The following PTPRN2 variants were observed in gnomAD, a reference collection of about 807,000 sequenced individuals.
PTPRN2 encodes the protein receptor-type tyrosine-protein phosphatase N2.
A neutral mutation model predicts 118.8 loss-of-function variants in PTPRN2; 74 were observed. The ratio of observed to expected loss-of-function variants is 0.62; its 90% CI spans 0.52 to 0.76. The LOEUF is 0.76. Among genes scored for constraint, PTPRN2 ranks in the 30% least tolerant of loss-of-function variants. The pLI, the probability that PTPRN2 is intolerant of heterozygous loss-of-function variation, is 0.00. For missense variants in PTPRN2, 1,481 were observed against 1,394.4 expected, an observed-to-expected ratio of 1.06 and a Z score of -0.99; for synonymous variants, 641 against 608.0, an observed-to-expected ratio of 1.05 and a Z score of -0.80.
chr7:157,839,737 G>A (rs927316594), intron 12 of PTPRN2, among the ~76,000 whole-genome samples: 5 of 150,652 alleles, frequency 3.3e-5, no homozygotes, highest in Admixed American at 6.6e-5. Flanking sequence ...TGACTGTGTG[G>A]CTGTGTGAAG....
intron 17 of PTPRN2, among the ~76,000 whole-genome samples, chr7:157,589,878 G>A (rs1160872079): frequency 1.3e-5 from 2 of 152,220 alleles, no homozygotes; most frequent in East Asian, 3.8e-4. Context: ...TGACAGCGGC[G>A]GCGTGGATGA....
intron 14 of PTPRN2, among the ~76,000 whole-genome samples, chr7:157,637,742 GAA>G (rs1360430081): frequency 2.0e-5 from 3 of 152,328 alleles, no homozygotes; most frequent in African/African-American, 7.2e-5. Context: ...AGACCTTTCA[GAA>G]GAAGGATGAG....
At chr7:157,789,797 G>A (rs1232968802) in intron 12 of PTPRN2, among the ~76,000 whole-genome samples, 1 of 150,880 alleles carries the variant, frequency 6.6e-6, no homozygotes, top group East Asian at 2.0e-4. Context: ...TGTGTGTGGT[G>A]TGTGTGTGAT....
chr7:158,413,733 C>T (rs142580546), intron 2 of PTPRN2, among the ~76,000 whole-genome samples: 1 of 152,296 alleles, frequency 6.6e-6, no homozygotes, highest in Non-Finnish European at 1.5e-5. Context: ...ACTAGGAGAA[C>T]GGGCCCATCC....
chr7:158,084,581 A>T (rs993482528), intron 10 of PTPRN2, among the ~76,000 whole-genome samples: 8 of 152,056 alleles, frequency 5.3e-5, no homozygotes, highest in South Asian at 2.1e-4. Context: ...AGGAGCAAGT[A>T]CTGCACCTAA....
In PTPRN2 at chr7:157,598,441, C is replaced by T. The variant is rs949266775; in HGVS notation, c.2419-3126G>A. Among the ~76,000 whole-genome samples, 2 of 150,446 alleles carry T rather than the reference C, an allele frequency of 1.3e-5. No homozygotes were observed. Among genetic ancestry groups the T allele is most frequent in the Non-Finnish European group, 3.0e-5 (2 of 67,652 alleles). ...AGCTTGGACGTCGGCGTCTCCGGGCCTCAGTCTCCATATCTGTATGGTGGG... is the reference window on the plus strand; with the variant it reads ...AGCTTGGACGTCGGCGTCTCCGGGCTTCAGTCTCCATATCTGTATGGTGGG... On this transcript the variant is annotated intron_variant, in intron 16 of 22. Coordinates refer to ENST00000389418, the MANE Select transcript of PTPRN2 (RefSeq NM_002847.5). This position sits in a 1 kb window ranked among gnomAD's most constrained non-coding sequence, Gnocchi z 5.2.
chr7:158,242,382 G>A (rs1015743869), intron 3 of PTPRN2, among the ~76,000 whole-genome samples: 6 of 152,202 alleles, frequency 3.9e-5, no homozygotes, highest in African/African-American at 1.4e-4. Context: ...TTCAAAAGAT[G>A]AGAATCTCCT....
intron 18 of PTPRN2, 113 bp downstream of exon 18, chr7:157,577,908 A>G: frequency 7.4e-7 from 1 of 1,345,796 alleles, no homozygotes; most frequent in Non-Finnish European, 9.8e-7. Flanking sequence ...GGGTGCGCTG[A>G]GCCTCCCTGC....
Position 158,509,030 on chromosome 7 carries a change from G to A in PTPRN2, c.113-19245C>T, listed in dbSNP as rs1586830625. 6.6e-6 allele frequency among the ~76,000 whole-genome samples: 1 copy of A among 152,140 alleles called. No homozygotes were observed. Among genetic ancestry groups the A allele is most frequent in the Non-Finnish European group, 1.5e-5 (1 of 68,042 alleles). On this transcript the variant is annotated intron_variant, in intron 1 of 22. Transcript: ENST00000389418. This position sits in a 1 kb window ranked among gnomAD's most constrained non-coding sequence, Gnocchi z 4.4. ...GTCGGATTGCAAGATCTCTTCAGAG[G>A]TGGAAGCTGATGCGGGTGGAGGTGG... is the stretch of plus-strand genomic sequence containing the variant.
At chr7:158,053,345 C>A (rs1343726501) in intron 11 of PTPRN2, among the ~76,000 whole-genome samples, 1 of 152,156 alleles carries the variant, frequency 6.6e-6, no homozygotes, top group Non-Finnish European at 1.5e-5. Flanking sequence ...GAAAGGAGGG[C>A]CTGCAGGCAC....
At chr7:157,810,827 G>A (rs1329342952) in intron 12 of PTPRN2, among the ~76,000 whole-genome samples, 13 of 151,998 alleles carry the variant, frequency 8.6e-5, no homozygotes, top group Admixed American at 7.2e-4. Flanking sequence ...CGGGGACGGC[G>A]GGACTGCTGG....
intron 11 of PTPRN2, among the ~76,000 whole-genome samples, chr7:157,996,163 G>A (rs1804715453): frequency 6.6e-6 from 1 of 152,208 alleles, no homozygotes; most frequent in Non-Finnish European, 1.5e-5. Context: ...ATTATCTTGA[G>A]TGAAACAATG....
At chr7:158,321,793 A>G (rs1803037908) in intron 2 of PTPRN2, among the ~76,000 whole-genome samples, 1 of 152,202 alleles carries the variant, frequency 6.6e-6, no homozygotes, top group Admixed American at 6.5e-5. Context: ...GTGTGCAAAT[A>G]TATGTGTACG....
chr7:158,355,456 G>A (rs1808310021), intron 2 of PTPRN2, among the ~76,000 whole-genome samples: 1 of 152,164 alleles, frequency 6.6e-6, no homozygotes, highest in South Asian at 2.1e-4. Flanking sequence ...TCACTCTCCT[G>A]CCAGCTGCTC....
chr7:157,559,914 C>A (rs1378915187), intron 21 of PTPRN2, among the ~76,000 whole-genome samples: 1 of 152,144 alleles, frequency 6.6e-6, no homozygotes, highest in Non-Finnish European at 1.5e-5. Context: ...CCTCATCCAG[C>A]TCCTGCTGGC....
At chr7:157,554,873 T>C (rs1798801300) in intron 21 of PTPRN2, among the ~76,000 whole-genome samples, 1 of 151,496 alleles carries the variant, frequency 6.6e-6, no homozygotes, top group African/African-American at 2.5e-5. Flanking sequence ...GTGGAGCCAC[T>C]TTCTGCTACT....
Position 158,352,319 on chromosome 7 carries a change from C to T in PTPRN2, c.164-35387G>A, listed in dbSNP as rs1402038482. ...CCCCTCTTGACTGCTCCCCTCCCTG[C>T]CAGCTACCCTCCTGACCGCTCCCCT... On this transcript the variant is annotated intron_variant, in intron 2 of 22. Transcript: ENST00000389418. 2.0e-5 allele frequency among the ~76,000 whole-genome samples: 2 copies of T among 97,656 alleles called. 1 individual carries two copies. Among genetic ancestry groups the T allele is most frequent in the Non-Finnish European group, 4.4e-5 (2 of 45,500 alleles). 64.1% of individuals were successfully genotyped at this position (97,656 alleles called of 152,430 possible).
chr7:157,811,197 G>A (rs955717749), intron 12 of PTPRN2, among the ~76,000 whole-genome samples: 90 of 151,338 alleles, frequency 5.9e-4, no homozygotes, highest in Non-Finnish European at 1.0e-3. Context: ...CATGAACCCG[G>A]GAGGTGGAGC....
At chr7:157,976,187 G>A (rs112795089) in intron 11 of PTPRN2, among the ~76,000 whole-genome samples, 102 of 152,344 alleles carry the variant, frequency 6.7e-4, no homozygotes, top group African/African-American at 1.9e-3. Context: ...TTCCCATCGC[G>A]TTATCAGCAA....
Sources: allele counts gnomAD v4.1 joint callset (sites outside exome capture counted in the v4.1 genomes callset), GRCh38; gene constraint gnomAD v4.1.1; non-coding constraint Gnocchi (gnomAD v3.1); transcripts MANE v1.5; gene names NCBI Gene and HGNC (gene_info 2026-07-23, HGNC 2026-07-21).